KLHL3: variants seen among roughly 807,000 people sequenced by gnomAD.
The protein encoded by KLHL3 is kelch-like protein 3.
KLHL3 carries 19 observed loss-of-function variants against 70.5 expected under a neutral mutation model. That is an observed-to-expected ratio of 0.27 (90% confidence interval 0.19 to 0.40). The LOEUF (loss-of-function observed/expected upper bound fraction) is 0.40. Among genes scored for constraint, KLHL3 ranks in the 10% least tolerant of loss-of-function variants. KLHL3 has a pLI of 1.00. For synonymous variants in KLHL3, 258 were observed against 290.3 expected, an observed-to-expected ratio of 0.89 and a Z score of 1.13; for missense variants, 512 against 771.1, an observed-to-expected ratio of 0.66 and a Z score of 3.98.
intron 6 of KLHL3, among the ~76,000 whole-genome samples, chr5:137,663,780 C>T (rs970521153): frequency 1.3e-5 from 2 of 152,048 alleles, no homozygotes; most frequent in Admixed American, 6.5e-5. Flanking sequence ...ACATCTTATA[C>T]GTGATTAAAG....
In KLHL3 at chr5:137,617,949, C is replaced by T. The variant is rs2149872352; in HGVS notation, c.*4149G>A. 6.5e-6 allele frequency: 1 copy of T among 152,690 alleles called. No individual in the cohort carries two copies. Among genetic ancestry groups the T allele is most frequent in the East Asian group, 1.9e-4 (1 of 5,182 alleles). The allele number at this position is 152,690 out of a possible 1,614,324, so 9.5% of individuals were successfully genotyped here. A position where few individuals can be genotyped will look rare whatever the true frequency, so the allele number is the denominator to read the frequency against. On this transcript the variant is annotated 3_prime_UTR_variant, in exon 15 of 15. Transcript: ENST00000309755. ...ATGGCACTAGGGTGATTTGATGCTG[C>T]AAATGCCACAGTCCTGTGCATTCCT...
intron 12 of KLHL3, among the ~76,000 whole-genome samples, chr5:137,632,973 A>G (rs1750674352): frequency 6.6e-6 from 1 of 152,182 alleles, no homozygotes. Flanking sequence ...CATCTTACAG[A>G]TGGCTATTAC....
chr5:137,699,807 G>A (rs1561612029), intron 3 of KLHL3, among the ~76,000 whole-genome samples: 1 of 152,320 alleles, frequency 6.6e-6, no homozygotes, highest in East Asian at 1.9e-4. Context: ...AGCCTGGGCA[G>A]TTGTTTTCTC....
At chr5:137,628,696 AATAT>A (rs952252057) in intron 12 of KLHL3, 8 of 235,640 alleles carry the variant, frequency 3.4e-5, no homozygotes, top group Admixed American at 7.5e-5. Context: ...AACATTAAAA[AATAT>A]ATATATATAT....
At chr5:137,645,827 C>A (rs1751030486) in intron 8 of KLHL3, among the ~76,000 whole-genome samples, 1 of 151,942 alleles carries the variant, frequency 6.6e-6, no homozygotes, top group South Asian at 2.1e-4. Flanking sequence ...ATGGGAATAG[C>A]CAAACAATCT....
intron 3 of KLHL3, among the ~76,000 whole-genome samples, chr5:137,699,803 G>A (rs374008281): frequency 2.6e-5 from 4 of 152,130 alleles, no homozygotes; most frequent in African/African-American, 9.7e-5. Context: ...ACAGAGCCTG[G>A]GCAGTTGTTT....
At chr5:137,644,491 A>G (rs1315621379) in intron 8 of KLHL3, among the ~76,000 whole-genome samples, 1 of 152,206 alleles carries the variant, frequency 6.6e-6, no homozygotes, top group African/African-American at 2.4e-5. Context: ...GAGAGTACAG[A>G]TATCTCTTCA....
At position 137,677,627 on chromosome 5, in the gene KLHL3, C is replaced by G. The variant is rs1751917225; in HGVS notation, c.554G>C (p.Gly185Ala). The change falls in exon 6 of 15, where the codon GGA becomes GCA. Residue 185 changes from glycine to alanine, a missense_variant. By Grantham distance (60) the Gly-to-Ala change is moderately conservative. Transcript: ENST00000309755. ...AEQHFPEVMLGEEFLSLSLDQ... is the reference protein window; with the variant it reads ...AEQHFPEVMLAEEFLSLSLDQ... ...CAGACTCAGGCTAAGAAATTCTTCTCCTAGCATCACCTCTGGAAAGTGCTG... is the reference window on the plus strand; with the variant it reads ...CAGACTCAGGCTAAGAAATTCTTCTGCTAGCATCACCTCTGGAAAGTGCTG... The G allele has an allele frequency of 1.2e-6, 2 of 1,607,332 alleles. No homozygotes were observed. Among genetic ancestry groups the G allele is most frequent in the Non-Finnish European group, 1.7e-6 (2 of 1,177,198 alleles).
chr5:137,683,796 A>ACG, intron 5 of KLHL3, among the ~76,000 whole-genome samples: 1 of 150,614 alleles, frequency 6.6e-6, no homozygotes, highest in African/African-American at 2.5e-5. Context: ...ACACACACAC[A>ACG]TGCACGCGCA....
chr5:137,699,909 A>G (rs1318277114), intron 3 of KLHL3, among the ~76,000 whole-genome samples: 4 of 152,256 alleles, frequency 2.6e-5, no homozygotes, highest in African/African-American at 9.6e-5. Flanking sequence ...CGGACTGCAC[A>G]TGATTCCTCC....
At chr5:137,648,304 C>T (rs1751107076) in intron 8 of KLHL3, among the ~76,000 whole-genome samples, 1 of 152,216 alleles carries the variant, frequency 6.6e-6, no homozygotes, top group African/African-American at 2.4e-5. Flanking sequence ...CTTCAAATAC[C>T]ATCTACTGAA....
At chr5:137,679,901 T>C (rs1022710204) in intron 5 of KLHL3, among the ~76,000 whole-genome samples, 1 of 152,204 alleles carries the variant, frequency 6.6e-6, no homozygotes, top group Non-Finnish European at 1.5e-5. Context: ...GTGAGGTTTG[T>C]AGGGCATAAG....
At chr5:137,633,970 C>T in intron 12 of KLHL3, 67 bp downstream of exon 12, 3 of 1,605,582 alleles carry the variant, frequency 1.9e-6, no homozygotes, top group Admixed American at 1.7e-5. Context: ...TAAAATAAAA[C>T]AAAAAAATTT....
At chr5:137,630,348 G>A (rs7734392) in intron 12 of KLHL3, among the ~76,000 whole-genome samples, 3,784 of 152,222 alleles carry the variant, frequency 0.025, 161 homozygotes, top group African/African-American at 0.086. Flanking sequence ...GCCAGGTGAT[G>A]TCCACCCAGC....
chr5:137,694,147 C>T, intron 4 of KLHL3, among the ~76,000 whole-genome samples: 2 of 152,034 alleles, frequency 1.3e-5, no homozygotes, highest in Non-Finnish European at 2.9e-5. Context: ...TGCTCGAACT[C>T]CTGAGCCAAA....
At chr5:137,656,472 A>G (rs1446520018) in intron 8 of KLHL3, among the ~76,000 whole-genome samples, 3 of 152,242 alleles carry the variant, frequency 2.0e-5, no homozygotes, top group Non-Finnish European at 4.4e-5. Context: ...AATTTTCCAA[A>G]TAATAGCAGA....
At chr5:137,703,043 C>T (rs1162034827) in intron 3 of KLHL3, among the ~76,000 whole-genome samples, 2 of 152,170 alleles carry the variant, frequency 1.3e-5, no homozygotes, top group South Asian at 4.1e-4. Context: ...AAATCACTAG[C>T]TCATCTTCCA....
intron 12 of KLHL3, among the ~76,000 whole-genome samples, chr5:137,631,390 GA>G (rs1313786247): frequency 6.6e-6 from 1 of 152,188 alleles, no homozygotes; most frequent in Non-Finnish European, 1.5e-5. Flanking sequence ...AAAACCTTTT[GA>G]AAAGTCATTT....
intron 8 of KLHL3, among the ~76,000 whole-genome samples, chr5:137,652,580 T>C (rs890396048): frequency 6.6e-6 from 1 of 152,160 alleles, no homozygotes; most frequent in Non-Finnish European, 1.5e-5. Context: ...ACAAATAACA[T>C]ACAATCTCAC....
Sources: gnomAD v4.1 joint callset for allele counts (sites outside exome capture counted in the v4.1 genomes callset) on GRCh38, gnomAD v4.1.1 for gene constraint, MANE v1.5 for transcripts, NCBI Gene and HGNC (gene_info 2026-07-23, HGNC 2026-07-21) for gene names.